The following MYH1 variants were observed in gnomAD, a reference collection of about 807,000 sequenced individuals.
The protein encoded by MYH1 is myosin heavy chain 1.
MYH1 carries 214 observed loss-of-function variants against 225.6 expected under a neutral mutation model. The ratio of observed to expected loss-of-function variants is 0.95; its 90% CI spans 0.85 to 1.06. MYH1 has a LOEUF of 1.06. MYH1 is among the 50% of genes least tolerant of loss of function. MYH1 has a pLI of 0.00. For synonymous variants in MYH1, 774 were observed against 842.3 expected, an observed-to-expected ratio of 0.92 and a Z score of 1.40; for missense variants, 2,098 against 2,344.2, an observed-to-expected ratio of 0.89 and a Z score of 2.17.
intron 12 of MYH1, 73 bp downstream of exon 12, chr17:10,512,334 GA>G (rs1286384884): frequency 5.1e-5 from 82 of 1,612,092 alleles, no homozygotes; most frequent in Non-Finnish European, 6.4e-5. Context: ...CAGCTGTAAA[GA>G]AGACTTGAAT....
Position 10,516,273 on chromosome 17 carries a change from C to A in MYH1, c.274G>T (p.Ala92Ser), listed in dbSNP as rs2073228018. ...PPKYDKIEDM[A>S]MMTHLHEPAV... is the part of the protein sequence containing the mutation. ...GGCTCGTGTAGATGAGTCATCATGG[C>A]CATGTCCTCGATCTTGTCATATTTG... The change falls in exon 4 of 40, where the codon GCC becomes TCC. Residue 92 changes from alanine to serine, a missense_variant. Ala to Ser is a moderately conservative substitution (Grantham distance 99). Transcript: ENST00000226207. 6.2e-7 allele frequency: 1 copy of A among 1,614,126 alleles called. No individual in the cohort carries two copies. Among genetic ancestry groups the A allele is most frequent in the South Asian group, 1.1e-5 (1 of 91,072 alleles).
chr17:10,505,477 C>T lies in MYH1; in HGVS notation c.2209G>A (p.Gly737Arg), dbSNP rs1046390026. 1 of 1,614,162 alleles carries T rather than the reference C, an allele frequency of 6.2e-7. No homozygotes were observed. The highest frequency in any genetic ancestry group is 1.7e-5 in the Admixed American group (1 of 60,024). Residue 737 changes from glycine to arginine, a missense_variant, in exon 20 of 40, where the codon GGA becomes AGA. Gly to Arg is a moderately radical substitution (Grantham distance 125, BLOSUM62 -2). Transcript: ENST00000226207. ...GCCTTCTTGCTATCGATGAATTGTC[C>T]TTCAGGGATAGCACTTGCATTTAAC... ...KVLNASAIPE[G>R]QFIDSKKASE...
chr17:10,512,040 G>A (rs759613273), intron 13 of MYH1, 34 bp downstream of exon 13: 279 of 1,613,842 alleles, frequency 1.7e-4, no homozygotes, highest in Non-Finnish European at 2.2e-4. Context: ...TGAAGGCCTG[G>A]GATGTGTGTG....
chr17:10,507,479 C>T lies in MYH1; in HGVS notation c.1968+407G>A, dbSNP rs532752065. Among the ~76,000 whole-genome samples the T allele has an allele frequency of 3.3e-5, 5 of 152,312 alleles. No individual in the cohort carries two copies. In the South Asian group the frequency reaches 6.2e-4, roughly 19 times the overall value. ...TATAGCTTTCAAAATCTACTCATTT[C>T]GGTTCTATACCAATGTATCTTTAAG... On this transcript the variant is annotated intron_variant, in intron 17 of 39. Transcript: ENST00000226207.
Position 10,505,186 on chromosome 17 carries a change from C to G in MYH1, c.2412G>C (p.Glu804Asp). The change falls in exon 21 of 40, where the codon GAG becomes GAC. Residue 804 changes from glutamate (E) to aspartate (D), a missense_variant. Glu to Asp is a conservative substitution (Grantham distance 45, BLOSUM62 2). Transcript: ENST00000226207. ...ACCTTCTTTCCACCATTTTCTGGTA[C>G]TCCACTCTTGCCAAGAACCCTCTGC... is the stretch of plus-strand genomic sequence containing the variant. ...AMCRGFLARV[E>D]YQKMVERRES... The G allele has an allele frequency of 6.2e-7, 1 of 1,614,210 alleles. No individual in the cohort carries two copies. The highest frequency in any genetic ancestry group is 1.1e-5 in the South Asian group (1 of 91,080).
chr17:10,505,712 C>A, intron 19 of MYH1, 100 bp downstream of exon 19: 2 of 1,503,358 alleles, frequency 1.3e-6, no homozygotes, highest in Admixed American at 3.8e-5. Flanking sequence ...AGTTTATCTT[C>A]TCTTCAATTT....
intron 39 of MYH1, 60 bp from the exon 40 acceptor site, chr17:10,492,628 A>T (rs1229823715): frequency 6.6e-7 from 1 of 1,510,696 alleles, no homozygotes; most frequent in African/African-American, 1.4e-5. Context: ...TTCTTAGGTC[A>T]GTGGATCTTG....
At chr17:10,508,010 T>G in intron 16 of MYH1, 54 bp from the exon 17 acceptor site, 1 of 1,302,820 alleles carries the variant, frequency 7.7e-7, no homozygotes, top group South Asian at 1.3e-5. Flanking sequence ...TTATGGTTTT[T>G]TTTTTTTGTT....
intron 6 of MYH1, 131 bp from the exon 7 acceptor site, chr17:10,514,255 A>G (rs764533089): frequency 3.6e-6 from 4 of 1,098,912 alleles, no homozygotes; most frequent in South Asian, 1.6e-5. Flanking sequence ...TATAGCTCGT[A>G]TTATTTCTTT....
chr17:10,502,898 T>C lies in MYH1; in HGVS notation c.2951A>G (p.Glu984Gly), dbSNP rs758137986. 3 of 1,614,104 alleles carry C rather than the reference T, an allele frequency of 1.9e-6. No homozygotes were observed. Among genetic ancestry groups the C allele is most frequent in the African/African-American group, 2.7e-5 (2 of 75,012 alleles). The stretch of plus-strand genomic sequence containing the variant: ...GGTTTCATCCAGACCCGCCATCTCT[T>C]CTGTGAGGTTTTTCACCTACAAAGG... ...ATENKVKNLT[E>G]EMAGLDETIA... Residue 984 changes from glutamate (E) to glycine (G), a missense_variant, in exon 24 of 40, where the codon GAA (glutamate) becomes GGA (glycine). By Grantham distance (98) the Glu-to-Gly change is moderately conservative. Transcript: ENST00000226207.
intron 22 of MYH1, among the ~76,000 whole-genome samples, chr17:10,504,251 A>T (rs535461126): frequency 6.6e-6 from 1 of 152,326 alleles, no homozygotes; most frequent in South Asian, 2.1e-4. Context: ...TATCAACCCT[A>T]TCTCTCATAC....
Position 10,495,175 on chromosome 17 carries a change from T to C in MYH1, c.5295+17A>G. 1 of 1,614,248 alleles carries C rather than the reference T, an allele frequency of 6.2e-7. No homozygotes were observed. Among genetic ancestry groups the C allele is most frequent in the Non-Finnish European group, 8.5e-7 (1 of 1,180,048 alleles). ...TAAGATTTAAGTTTGACCACCACTG[T>C]GTTACCCTTCACTCACATCAGTGAT... On this transcript the variant is annotated intron_variant, in intron 36 of 39. Coordinates refer to ENST00000226207, the MANE Select transcript of MYH1 (RefSeq NM_005963.4).
intron 6 of MYH1, among the ~76,000 whole-genome samples, 186 bp from the exon 7 acceptor site, chr17:10,514,310 T>G (rs1012957380): frequency 6.6e-6 from 1 of 152,256 alleles, no homozygotes; most frequent in Admixed American, 6.5e-5. Context: ...CATTGTTCAT[T>G]TAACACGTAT....
At position 10,494,230 on chromosome 17, in the gene MYH1, C is replaced by T. The variant is rs144205106; in HGVS notation, c.5667+124G>A. ...TGGTTGGTTTTACCTCAGCCTTGGA[C>T]CTCCATGTAGCCATTTGTTTTCTTT... On this transcript the variant is annotated intron_variant, in intron 39 of 39. Transcript: ENST00000226207. 177 of 921,420 alleles carry T rather than the reference C, an allele frequency of 1.9e-4. 1 individual carries two copies. In the African/African-American group the frequency reaches 2.7e-3, roughly 14 times the overall value. 57.1% of individuals were successfully genotyped at this position (921,420 alleles called of 1,614,324 possible).
intron 16 of MYH1, 120 bp downstream of exon 16, chr17:10,508,243 T>A: frequency 2.6e-6 from 3 of 1,173,884 alleles, no homozygotes; most frequent in Non-Finnish European, 2.4e-6. Context: ...GGTCTTGAAC[T>A]CCTGACCTCA....
rs772065910 is a variant in MYH1 at position 10,497,205 on chromosome 17, C to CA, written c.4532-13dup. On this transcript the variant is annotated splice_polypyrimidine_tract_variant and intron_variant, in intron 32 of 39. Coordinates refer to ENST00000226207, the MANE Select transcript of MYH1 (RefSeq NM_005963.4). Reference sequence around the variant, plus strand: ...ATCAGAAATCTCCTCTGTTGGTGAACAAAAAATATAGAAATTTGTTTATAG... The same window carrying CA: ...ATCAGAAATCTCCTCTGTTGGTGAACAAAAAAATATAGAAATTTGTTTATAG... 6 of 1,598,750 alleles carry CA rather than the reference C, an allele frequency of 3.8e-6. No homozygotes were observed. The Admixed American group carries it at 1.1e-4, about 29-fold the overall frequency.
chr17:10,515,418 ATG>A (rs1481252438), intron 5 of MYH1, among the ~76,000 whole-genome samples: 1 of 152,220 alleles, frequency 6.6e-6, no homozygotes, highest in African/African-American at 2.4e-5. Context: ...TTCTGTTTAT[ATG>A]TGTGTAGCCC....
In MYH1 at chr17:10,508,630, G is replaced by A. The variant is rs955965546; in HGVS notation, c.1630C>T (p.Pro544Ser). Residue 544 changes from proline to serine, a missense_variant, in exon 16 of 40, where the codon CCC becomes TCC. Physicochemically the swap from Pro to Ser is moderately conservative, Grantham distance 74. Transcript: ENST00000226207. The stretch of plus-strand genomic sequence containing the variant: ...TTGAAGGAGGTGTCTGTCGCCTTGG[G>A]GAACATGCACTCCTCTTCCAGGATG... ...FSILEEECMFPKATDTSFKNK... is the reference protein window; with the variant it reads ...FSILEEECMFSKATDTSFKNK... 3 of 1,614,014 alleles carry A rather than the reference G, an allele frequency of 1.9e-6. No homozygotes were observed. Among genetic ancestry groups the A allele is most frequent in the African/African-American group, 2.7e-5 (2 of 74,900 alleles).
Position 10,497,315 on chromosome 17 carries a change from G to C in MYH1, c.4503C>G (p.Thr1501=), listed in dbSNP as rs539880309. ...AYEESLDQLE[T]LKRENKNLQQ... is the part of the protein sequence containing the mutation. Reference sequence around the variant, plus strand: ...GCAAATTCTTATTTTCCCGTTTCAAGGTTTCAAGTTGGTCTAAAGATTCCT... The same window carrying C: ...GCAAATTCTTATTTTCCCGTTTCAACGTTTCAAGTTGGTCTAAAGATTCCT... The change falls in exon 32 of 40, where the codon ACC becomes ACG. Residue 1501 remains threonine (T), a synonymous_variant. Transcript: ENST00000226207. The C allele has an allele frequency of 1.4e-5, 22 of 1,606,710 alleles. No individual in the cohort carries two copies. The South Asian group carries it at 2.3e-4, about 17-fold the overall frequency.
Sources: allele counts gnomAD v4.1 joint callset (sites outside exome capture counted in the v4.1 genomes callset), GRCh38; gene constraint gnomAD v4.1.1; transcripts MANE v1.5; gene names NCBI Gene and HGNC (gene_info 2026-07-23, HGNC 2026-07-21).